GAB2: variants seen among roughly 807,000 people sequenced by gnomAD.
GAB2 encodes the protein GRB2-associated-binding protein 2.
In GAB2, 26 loss-of-function variants were observed where a neutral mutation model predicts 65.5. The observed-to-expected ratio is 0.40, with a 90% CI of 0.29 to 0.55. The LOEUF is 0.55. Among genes scored for constraint, GAB2 ranks in the 20% least tolerant of loss-of-function variants. GAB2 has a pLI of 0.53. For missense variants in GAB2, 884 were observed against 875.8 expected (o/e 1.01, Z -0.12); for synonymous variants, 321 against 329.6 (o/e 0.97, Z 0.28).
chr11:78,226,620 G>GGGCCC lies in GAB2; in HGVS notation c.1051_1052insGGGCC (p.Pro351ArgfsTer78). 1 of 1,500,578 alleles carries GGGCCC rather than the reference G, an allele frequency of 6.7e-7. No homozygotes were observed. The highest frequency in any genetic ancestry group is 9.3e-7 in the Non-Finnish European group (1 of 1,079,038). The allele number at this position is 1,500,578 out of a possible 1,614,324, so 93.0% of individuals were successfully genotyped here. Reference sequence around the variant, plus strand: ...ACTTGGCTTGGGGGGGCGGGGTGGGGGAGCTATGGCTGAGTCCCCAGGAGT... The same window carrying GGGCCC: ...ACTTGGCTTGGGGGGGCGGGGTGGGGGGCCCGAGCTATGGCTGAGTCCCCAGGAGT... On this transcript the variant is annotated frameshift_variant, in exon 4 of 10. Transcript: ENST00000361507. LOFTEE classifies it high-confidence loss of function.
At chr11:78,405,160 G>A (rs148596985) in intron 1 of GAB2, among the ~76,000 whole-genome samples, 3,500 of 143,316 alleles carry the variant, frequency 0.024, 134 homozygotes, top group African/African-American at 0.08. Flanking sequence ...ATGCAGTGGC[G>A]CAATCTCGGC....
Position 78,279,229 on chromosome 11 carries a change from A to G in GAB2, c.376+1372T>C, listed in dbSNP as rs187482837. Among the ~76,000 whole-genome samples the G allele has an allele frequency of 3.3e-3, 506 of 152,314 alleles. 3 individuals carry two copies. Among genetic ancestry groups the G allele is most frequent in the African/African-American group, 0.012 (479 of 41,578 alleles). ...ATCTAGTTCAGGAATGACTGGCTAC[A>G]TAATTTGCAGAGCCCAGTGTAAAAT... is the stretch of plus-strand genomic sequence containing the variant. On this transcript the variant is annotated intron_variant, in intron 2 of 9. Transcript: ENST00000361507.
chr11:78,399,584 GA>G lies in GAB2; in HGVS notation c.75+18061del, dbSNP rs546882052. Among the ~76,000 whole-genome samples the G allele has an allele frequency of 4.2e-3, 640 of 152,238 alleles. 3 individuals are homozygous for G. Among genetic ancestry groups the G allele is most frequent in the African/African-American group, 0.015 (607 of 41,526 alleles). ...CAGATCCTTGAGCTGTTCCTTTCAG[GA>G]AAAATTAACTCCCTAAAATTTGATG... On this transcript the variant is annotated intron_variant, in intron 1 of 9. Transcript: ENST00000361507.
chr11:78,258,791 C>T (rs1865661438), intron 2 of GAB2, among the ~76,000 whole-genome samples: 1 of 152,008 alleles, frequency 6.6e-6, no homozygotes, highest in Admixed American at 6.6e-5. Flanking sequence ...ATAGCACATA[C>T]AATATATGAA....
At chr11:78,290,451 C>G (rs889112234) in intron 1 of GAB2, among the ~76,000 whole-genome samples, 1 of 152,206 alleles carries the variant, frequency 6.6e-6, no homozygotes, top group Non-Finnish European at 1.5e-5. Context: ...AGCTGTTGAA[C>G]AGACAGTACA....
intron 1 of GAB2, among the ~76,000 whole-genome samples, chr11:78,325,560 AACAT>A (rs930166593): frequency 1.3e-4 from 20 of 152,200 alleles, no homozygotes; most frequent in African/African-American, 4.6e-4. Flanking sequence ...AGGACATACG[AACAT>A]ACAGAGAGGT....
rs927766301 is a variant in GAB2, at chr11:78,216,518, C to T, written c.*2754G>A. ...AGCTTTGCTTTCAAAAGGTCAATTT[C>T]ACCTCTCATCCTTCCATCTCTACCC... On this transcript the variant is annotated 3_prime_UTR_variant, in exon 10 of 10. Transcript: ENST00000361507. The T allele has an allele frequency of 3.3e-5, 5 of 152,160 alleles. No homozygotes were observed. Among genetic ancestry groups the T allele is most frequent in the Admixed American group, 2.6e-4 (4 of 15,280 alleles). The allele number at this position is 152,160 out of a possible 1,614,324, so 9.4% of individuals were successfully genotyped here.
intron 1 of GAB2, among the ~76,000 whole-genome samples, chr11:78,338,729 T>C (rs1183243924): frequency 6.6e-6 from 1 of 152,194 alleles, no homozygotes; most frequent in Non-Finnish European, 1.5e-5. Flanking sequence ...ACTGTGGTTG[T>C]TCTGGTTTGA....
chr11:78,331,036 A>G (rs1855904896), intron 1 of GAB2, among the ~76,000 whole-genome samples: 1 of 151,764 alleles, frequency 6.6e-6, no homozygotes, highest in Non-Finnish European at 1.5e-5. Flanking sequence ...TTACCAGGGC[A>G]TGGTGGTGGG....
chr11:78,229,985 A>G (rs1469709359), intron 3 of GAB2, among the ~76,000 whole-genome samples: 1 of 152,230 alleles, frequency 6.6e-6, no homozygotes, highest in African/African-American at 2.4e-5. Context: ...TTCTTGGAGC[A>G]GGTAGCAAGT....
At chr11:78,272,961 A>C (rs1412239235) in intron 2 of GAB2, among the ~76,000 whole-genome samples, 1 of 152,244 alleles carries the variant, frequency 6.6e-6, no homozygotes, top group Non-Finnish European at 1.5e-5. Flanking sequence ...TGGAAGCCCC[A>C]AGCCTTGGCA....
chr11:78,291,326 C>T (rs1171331647), intron 1 of GAB2, among the ~76,000 whole-genome samples: 1 of 147,332 alleles, frequency 6.8e-6, no homozygotes, highest in East Asian at 2.0e-4. Flanking sequence ...ATTAGCCAGG[C>T]GTGGTGGCGA....
chr11:78,381,399 G>C (rs758496019), intron 1 of GAB2, among the ~76,000 whole-genome samples: 4 of 152,162 alleles, frequency 2.6e-5, no homozygotes, highest in African/African-American at 4.8e-5. Flanking sequence ...TGTGTCTTGA[G>C]AGATGAGTCT....
At chr11:78,346,990 T>TAGATTTG (rs2134699094) in intron 1 of GAB2, among the ~76,000 whole-genome samples, 2 of 151,932 alleles carry the variant, frequency 1.3e-5, no homozygotes, top group African/African-American at 4.8e-5. Context: ...GCAGACTGAC[T>TAGATTTG]CACTATTTGT....
At chr11:78,320,713 G>A (rs984553462) in intron 1 of GAB2, among the ~76,000 whole-genome samples, 2 of 143,576 alleles carry the variant, frequency 1.4e-5, no homozygotes, top group Non-Finnish European at 1.5e-5. Context: ...ACCACACCTG[G>A]ATAATTTTTG....
chr11:78,291,495 T>C (rs1866671953), intron 1 of GAB2, among the ~76,000 whole-genome samples: 1 of 136,182 alleles, frequency 7.3e-6, no homozygotes, highest in Admixed American at 7.8e-5. Flanking sequence ...AGTAGATCAA[T>C]AGATGGACAA....
chr11:78,297,548 G>C (rs147788276), intron 1 of GAB2, among the ~76,000 whole-genome samples: 1 of 152,160 alleles, frequency 6.6e-6, no homozygotes, highest in Admixed American at 6.5e-5. Flanking sequence ...GCACCCAGGG[G>C]AGTAGCTCAG....
intron 1 of GAB2, among the ~76,000 whole-genome samples, chr11:78,288,042 G>GA (rs79860012): frequency 0.26 from 38,567 of 150,160 alleles, 5,773 homozygotes; most frequent in East Asian, 0.4. Flanking sequence ...TGGAAAGGAA[G>GA]AAAAAAAAAT....
chr11:78,364,914 C>G (rs896999948), intron 1 of GAB2, among the ~76,000 whole-genome samples: 1 of 151,594 alleles, frequency 6.6e-6, no homozygotes, highest in Non-Finnish European at 1.5e-5. Flanking sequence ...TATATATATA[C>G]GTCTATATAG....
Sources: gnomAD v4.1 joint callset for allele counts (sites outside exome capture counted in the v4.1 genomes callset) on GRCh38, gnomAD v4.1.1 for gene constraint, MANE v1.5 for transcripts, NCBI Gene and HGNC (gene_info 2026-07-23, HGNC 2026-07-21) for gene names.